The following MIB1 variants were observed in gnomAD, a reference collection of about 807,000 sequenced individuals.
MIB1 encodes E3 ubiquitin-protein ligase MIB1.
In MIB1, 278 loss-of-function variants were observed where a neutral mutation model predicts 124.5. The ratio of observed to expected loss-of-function variants is 2.23; its 90% confidence interval spans 2.02 to 2.47. The LOEUF (loss-of-function observed/expected upper bound fraction) is 2.47. MIB1 is among the 30% of genes most tolerant of loss of function. The pLI is 0.00. For missense variants in MIB1, 957 were observed against 1,254.4 expected (o/e 0.76, Z 3.58); for synonymous variants, 446 against 429.4 (o/e 1.04, Z -0.48).
intron 17 of MIB1, among the ~76,000 whole-genome samples, chr18:21,852,121 A>AAATAATGATAAATATATATTATT (rs2042185580): frequency 3.9e-5 from 6 of 152,244 alleles, no homozygotes; most frequent in Non-Finnish European, 8.8e-5. Flanking sequence ...TTTATTGTTT[A>AAATAATGATAAATATATATTATT]GATAAATAAT....
intron 20 of MIB1, among the ~76,000 whole-genome samples, chr18:21,863,601 A>G (rs1489956295): frequency 6.6e-6 from 1 of 152,042 alleles, no homozygotes; most frequent in Non-Finnish European, 1.5e-5. Flanking sequence ...TCTCCCCTCT[A>G]CTACCTGGGT....
intron 3 of MIB1, among the ~76,000 whole-genome samples, chr18:21,773,063 C>G (rs1228296953): frequency 6.6e-6 from 1 of 152,022 alleles, no homozygotes; most frequent in Non-Finnish European, 1.5e-5. Context: ...GTCAGGAGTT[C>G]GAGACCAGCC....
intron 3 of MIB1, among the ~76,000 whole-genome samples, chr18:21,769,574 T>C (rs1648812412): frequency 6.6e-6 from 1 of 152,224 alleles, no homozygotes; most frequent in South Asian, 2.1e-4. Flanking sequence ...TGGCTGGATC[T>C]CATGTTTTCT....
chr18:21,863,822 G>A (rs1045752586), intron 20 of MIB1, among the ~76,000 whole-genome samples: 18 of 152,074 alleles, frequency 1.2e-4, no homozygotes, highest in Non-Finnish European at 1.8e-4. Context: ...TGACCAACAT[G>A]GTGAAACCCC....
intron 20 of MIB1, among the ~76,000 whole-genome samples, chr18:21,861,179 A>C (rs1001165578): frequency 2.0e-5 from 3 of 152,322 alleles, no homozygotes; most frequent in African/African-American, 7.2e-5. Context: ...AGAATGAATA[A>C]GTGAAGATCA....
intron 4 of MIB1, among the ~76,000 whole-genome samples, chr18:21,776,243 TG>T (rs2041284333): frequency 6.9e-6 from 1 of 145,714 alleles, no homozygotes; most frequent in Admixed American, 7.0e-5. Flanking sequence ...CACTCCAGCC[TG>T]GGCAACAGAG....
At chr18:21,841,512 A>G (rs138628100) in intron 13 of MIB1, among the ~76,000 whole-genome samples, 2 of 152,338 alleles carry the variant, frequency 1.3e-5, no homozygotes, top group African/African-American at 4.8e-5. Flanking sequence ...AGAAATTATA[A>G]CCACAACCAG....
intron 1 of MIB1, among the ~76,000 whole-genome samples, chr18:21,706,935 C>T (rs539170200): frequency 6.6e-5 from 10 of 152,218 alleles, no homozygotes; most frequent in Non-Finnish European, 8.8e-5. Context: ...TGGGCAGCTG[C>T]GGCTCCCCTG....
Position 21,733,997 on chromosome 18 carries a change from C to T in MIB1, n.167+28874C>T, listed in dbSNP as rs868507580. Among the ~76,000 whole-genome samples the T allele has an allele frequency of 1.7e-4, 26 of 152,268 alleles. No homozygotes were observed. In the South Asian group the frequency reaches 3.3e-3, roughly 19 times the overall value. On this transcript the variant is annotated intron_variant and non_coding_transcript_variant, in intron 1 of 20. Transcript: ENST00000578646. ...TTATCCATTTAAAAACTGCTGATTA[C>T]TTTGGGGCATTGTCCCCATAAACGT...
intron 1 of MIB1, among the ~76,000 whole-genome samples, chr18:21,757,945 C>G (rs879252277): frequency 6.6e-6 from 1 of 152,040 alleles, no homozygotes; most frequent in African/African-American, 2.4e-5. Context: ...GGAAGAAAAA[C>G]CACAAAAAAC....
At chr18:21,828,644 T>C (rs1018965092) in intron 12 of MIB1, 1 of 162,680 alleles carries the variant, frequency 6.1e-6, no homozygotes, top group African/African-American at 2.4e-5. Context: ...AGACAGAAAA[T>C]AGGTCATGTG....
intron 9 of MIB1, among the ~76,000 whole-genome samples, chr18:21,800,587 C>T (rs1371878140): frequency 1.3e-5 from 2 of 152,124 alleles, no homozygotes; most frequent in African/African-American, 4.8e-5. Flanking sequence ...TGATACCTTG[C>T]TGGCACCAGT....
chr18:21,712,406 G>C (rs75374502), intron 1 of MIB1, among the ~76,000 whole-genome samples: 1 of 152,102 alleles, frequency 6.6e-6, no homozygotes, highest in South Asian at 2.1e-4. Flanking sequence ...AAAGGTAATG[G>C]GATGTCAACA....
intron 3 of MIB1, among the ~76,000 whole-genome samples, chr18:21,771,232 A>G (rs1008561000): frequency 1.3e-5 from 2 of 152,218 alleles, no homozygotes; most frequent in Non-Finnish European, 2.9e-5. Context: ...CCTCCTCAAT[A>G]ATAAATCAAG....
At chr18:21,826,108 C>T (rs1241974860) in intron 12 of MIB1, 2 of 180,658 alleles carry the variant, frequency 1.1e-5, no homozygotes, top group African/African-American at 2.4e-5. Context: ...TATTTCAAAA[C>T]CAATAGTATT....
intron 12 of MIB1, among the ~76,000 whole-genome samples, chr18:21,833,622 T>C (rs1276927296): frequency 6.6e-6 from 1 of 152,202 alleles, no homozygotes; most frequent in Non-Finnish European, 1.5e-5. Context: ...TTTGGGAAAA[T>C]GTTGCCTGCC....
chr18:21,780,385 C>A (rs150447636), intron 6 of MIB1, among the ~76,000 whole-genome samples: 3 of 152,202 alleles, frequency 2.0e-5, no homozygotes, highest in East Asian at 1.9e-4. Flanking sequence ...CTCATCCCCC[C>A]CTTTCTCCTA....
rs765863372 is a variant in MIB1, at chr18:21,849,279, A to AG, written c.2478dup (p.Arg827GlufsTer28). The stretch of plus-strand genomic sequence containing the variant: ...GAGTGTATGGTGTGCTCAGATATGA[A>AG]GAGAGATACTCTTTTTGGTCCATGT... On this transcript the variant is annotated frameshift_variant, in exon 17 of 21. Coordinates refer to ENST00000261537, the MANE Select transcript of MIB1 (RefSeq NM_020774.4). LOFTEE classifies it high-confidence loss of function. 6.2e-7 allele frequency: 1 copy of AG among 1,613,056 alleles called. No individual in the cohort carries two copies.
intron 10 of MIB1, among the ~76,000 whole-genome samples, chr18:21,804,322 C>T (rs1364426328): frequency 1.3e-5 from 2 of 152,192 alleles, no homozygotes; most frequent in Non-Finnish European, 2.9e-5. Context: ...AATTGAAGGA[C>T]GAGGAATATA....
Sources: gnomAD v4.1 joint callset for allele counts (sites outside exome capture counted in the v4.1 genomes callset) on GRCh38, gnomAD v4.1.1 for gene constraint, MANE v1.5 for transcripts, NCBI Gene and HGNC (gene_info 2026-07-23, HGNC 2026-07-21) for gene names.